USP34: variants seen among roughly 807,000 people sequenced by gnomAD.
USP34 encodes the protein ubiquitin carboxyl-terminal hydrolase 34.
USP34 carries 70 observed loss-of-function variants against 460.3 expected under a neutral mutation model. The observed-to-expected ratio is 0.15, with a 90% CI of 0.13 to 0.19. The LOEUF (loss-of-function observed/expected upper bound fraction) is 0.19, where lower values mean the gene tolerates loss of function less well. Among genes scored for constraint, USP34 ranks in the 10% least tolerant of loss-of-function variants. The pLI is 1.00. For missense variants in USP34, 3,985 were observed against 4,236.2 expected (o/e 0.94, Z 1.65); for synonymous variants, 1,647 against 1,405.3 (o/e 1.17, Z -3.85).
At chr2:61,365,967 T>TTTATTTATTTAC (rs1192587850) in intron 10 of USP34, among the ~76,000 whole-genome samples, 59 of 152,316 alleles carry the variant, frequency 3.9e-4, no homozygotes, top group African/African-American at 1.4e-3. Context: ...TATTTATTTA[T>TTTATTTATTTAC]TTGAGACACA....
intron 2 of USP34, among the ~76,000 whole-genome samples, chr2:61,406,492 G>C (rs1410552093): frequency 1.3e-5 from 2 of 152,022 alleles, no homozygotes; most frequent in Non-Finnish European, 2.9e-5. Flanking sequence ...TATCTTATTA[G>C]TAAAGCCAGC....
In USP34 at chr2:61,311,237, T is replaced by C. The variant is rs551862033; in HGVS notation, c.3817+303A>G. ...AAAGGGTCTGATGGAGGGAGTCTGT[T>C]CATTTTTTACCCTTCCACCCTCTGC... On this transcript the variant is annotated intron_variant, in intron 27 of 79. Transcript: ENST00000398571. Among the ~76,000 whole-genome samples, 3 of 152,274 alleles carry C rather than the reference T, an allele frequency of 2.0e-5. No homozygotes were observed. The South Asian group carries it at 6.2e-4, about 32-fold the overall frequency.
In USP34 at chr2:61,232,502, A is replaced by G. The variant is rs1397703451; in HGVS notation, c.7063T>C (p.Trp2355Arg). 1 of 1,611,330 alleles carries G rather than the reference A, an allele frequency of 6.2e-7. No homozygotes were observed. Among genetic ancestry groups the G allele is most frequent in the Non-Finnish European group, 8.5e-7 (1 of 1,179,412 alleles). ...WFLDRMADDD[W>R]WPMQILIKCP... ...TTAATTAGTATCTGCATTGGCCACCAGTCGTCATCAGCCATACGATCTAAA... is the reference window on the plus strand; with the variant it reads ...TTAATTAGTATCTGCATTGGCCACCGGTCGTCATCAGCCATACGATCTAAA... The change falls in exon 58 of 80, where the codon TGG becomes CGG. Residue 2355 changes from tryptophan (W) to arginine (R), a missense_variant. This residue lies in a region of USP34 where 604 missense variants were observed against 684.8 expected (regional missense o/e 0.88). Transcript: ENST00000398571.
intron 57 of USP34, among the ~76,000 whole-genome samples, chr2:61,234,380 A>T (rs1302012697): frequency 1.3e-5 from 2 of 152,216 alleles, no homozygotes; most frequent in Non-Finnish European, 2.9e-5. Flanking sequence ...CAATATGATT[A>T]AGCTGTCATT....
rs773668589 is a variant in USP34 at position 61,211,924 on chromosome 2, T to C, written c.8688A>G (p.Val2896=). ...GCTGCATCAGGTTAAACAGTTCTTC[T>C]ACTGCCTAAAAAAGCCAAATAAGCC... ...TPHASQYPGA[V]EELFNLMQLF... The change falls in exon 69 of 80, where the codon GTA becomes GTG. Residue 2896 remains valine (V), a synonymous_variant. Coordinates refer to ENST00000398571, the MANE Select transcript of USP34 (RefSeq NM_014709.4). 1.2e-6 allele frequency: 2 copies of C among 1,602,194 alleles called. No individual in the cohort carries two copies. Among genetic ancestry groups the C allele is most frequent in the Admixed American group, 1.7e-5 (1 of 57,184 alleles).
Position 61,432,355 on chromosome 2 carries a change from A to T in USP34, c.44-11522T>A, listed in dbSNP as rs1197570808. 3.9e-5 allele frequency among the ~76,000 whole-genome samples: 6 copies of T among 152,294 alleles called. No individual in the cohort carries two copies. The East Asian group carries it at 1.2e-3, about 29-fold the overall frequency. Reference sequence around the variant, plus strand: ...GCTGGGCATAATATCCCGTACCTACAGTCTTAGCTACTCAGGAAGCTGAGG... The same window carrying T: ...GCTGGGCATAATATCCCGTACCTACTGTCTTAGCTACTCAGGAAGCTGAGG... On this transcript the variant is annotated intron_variant, in intron 1 of 79. Coordinates refer to ENST00000398571, the MANE Select transcript of USP34 (RefSeq NM_014709.4).
chr2:61,245,627 G>C (rs1688398595), intron 50 of USP34, among the ~76,000 whole-genome samples: 1 of 151,586 alleles, frequency 6.6e-6, no homozygotes, highest in South Asian at 2.1e-4. Flanking sequence ...CAAAATTTAT[G>C]ATCAAAAAAA....
chr2:61,329,015 A>C (rs1047997413), intron 20 of USP34, among the ~76,000 whole-genome samples: 1 of 151,750 alleles, frequency 6.6e-6, no homozygotes, highest in Non-Finnish European at 1.5e-5. Flanking sequence ...TGTTGATCCT[A>C]TGATTTTTGT....
Position 61,222,505 on chromosome 2 carries a change from A to AT in USP34, c.7794+113dup, listed in dbSNP as rs774423361. On this transcript the variant is annotated intron_variant, in intron 65 of 79. Transcript: ENST00000398571. ...ATTATACACTTAAAAATAGGTTATT[A>AT]TGTTATGGGAGAAACCCTGATAAAT... The AT allele has an allele frequency of 4.2e-5, 31 of 734,746 alleles. 1 individual carries two copies. Among genetic ancestry groups the AT allele is most frequent in the Non-Finnish European group, 6.3e-5 (28 of 442,138 alleles). The allele number at this position is 734,746 out of a possible 1,614,324, so 45.5% of individuals were successfully genotyped here.
chr2:61,288,478 C>T (rs927652078), intron 34 of USP34, among the ~76,000 whole-genome samples, 199 bp downstream of exon 34: 7 of 152,158 alleles, frequency 4.6e-5, no homozygotes, highest in South Asian at 2.1e-4. Context: ...TAAAATGGCA[C>T]GACTCATTTC....
chr2:61,462,419 C>T (rs1695628350), intron 1 of USP34, among the ~76,000 whole-genome samples: 1 of 150,766 alleles, frequency 6.6e-6, no homozygotes, highest in African/African-American at 2.4e-5. Context: ...CATGGTGGTA[C>T]GCACCTGTAA....
chr2:61,412,998 T>G (rs1489972078), intron 2 of USP34, among the ~76,000 whole-genome samples: 1 of 151,348 alleles, frequency 6.6e-6, no homozygotes, highest in Non-Finnish European at 1.5e-5. Context: ...GGTAAGGAAA[T>G]TATGAAATAA....
intron 1 of USP34, among the ~76,000 whole-genome samples, chr2:61,459,224 A>C (rs917905307): frequency 1.3e-5 from 2 of 152,168 alleles, no homozygotes; most frequent in African/African-American, 4.8e-5. Flanking sequence ...GGTTAGTGAA[A>C]AGTACAGAGA....
Position 61,301,095 on chromosome 2 carries a change from T to A in USP34, c.3984A>T (p.Ala1328=), listed in dbSNP as rs777791753. 5 of 1,614,106 alleles carry A rather than the reference T, an allele frequency of 3.1e-6. No individual in the cohort carries two copies. The highest frequency in any genetic ancestry group is 4.2e-6 in the Non-Finnish European group (5 of 1,180,016). ...ERKGEGVQLP[A]SCLPPPQKDN... is the part of the protein sequence containing the mutation. Reference sequence around the variant, plus strand: ...CCTTCTGAGGGGGTGGGAGGCAAGATGCTGGCAGCTGAACACCTTCCCCTT... The same window carrying A: ...CCTTCTGAGGGGGTGGGAGGCAAGAAGCTGGCAGCTGAACACCTTCCCCTT... The change falls in exon 29 of 80, where the codon GCA becomes GCT. Residue 1328 remains alanine, a synonymous_variant. Transcript: ENST00000398571.
chr2:61,415,202 A>G (rs374064497), intron 2 of USP34, among the ~76,000 whole-genome samples: 3 of 152,126 alleles, frequency 2.0e-5, no homozygotes, highest in African/African-American at 7.2e-5. Context: ...TATAAGGATG[A>G]GATCTGAAGA....
intron 61 of USP34, 98 bp from the exon 62 acceptor site, chr2:61,227,316 G>C: frequency 2.9e-6 from 4 of 1,367,976 alleles, no homozygotes; most frequent in South Asian, 1.3e-5. Flanking sequence ...ATGGTGGCAG[G>C]AGCTTGTAAC....
chr2:61,346,800 C>A (rs145967502), intron 15 of USP34, among the ~76,000 whole-genome samples: 1,453 of 138,202 alleles, frequency 0.011, 17 homozygotes, highest in East Asian at 0.027. Flanking sequence ...CCACTGCACT[C>A]CAGCCTGGGT....
chr2:61,338,126 AG>A (rs1277168744), intron 18 of USP34, among the ~76,000 whole-genome samples: 1 of 152,202 alleles, frequency 6.6e-6, no homozygotes, highest in Non-Finnish European at 1.5e-5. Context: ...GTTGAAGACC[AG>A]CCTGGCCAAC....
At chr2:61,334,305 T>G (rs1222155147) in intron 18 of USP34, among the ~76,000 whole-genome samples, 1 of 152,144 alleles carries the variant, frequency 6.6e-6, no homozygotes, top group East Asian at 1.9e-4. Context: ...TCAATATGAT[T>G]TGCATTCAAA....
Sources: allele counts gnomAD v4.1 joint callset (sites outside exome capture counted in the v4.1 genomes callset), GRCh38; gene constraint gnomAD v4.1.1; regional missense constraint gnomAD v4.1.1; transcripts MANE v1.5; gene names NCBI Gene and HGNC (gene_info 2026-07-23, HGNC 2026-07-21).